Variants in MYO1H observed in about 807,000 individuals in gnomAD.
MYO1H encodes the protein myosin IH.
In MYO1H, 118 loss-of-function variants were observed where a neutral mutation model predicts 149.3. The observed-to-expected ratio is 0.79, with a 90% confidence interval of 0.68 to 0.92. MYO1H has a LOEUF of 0.92. Ranked by LOEUF, MYO1H falls within the 40% of genes least tolerant of loss-of-function variation. The probability of loss-of-function intolerance (pLI) is 0.00; values close to 1 mark genes in which losing one functional copy is unlikely to be tolerated. For synonymous variants in MYO1H, 447 were observed against 465.2 expected (o/e 0.96, Z 0.50); for missense variants, 1,212 against 1,280.7 (o/e 0.95, Z 0.82).
chr12:109,322,468 TTTTGTTTG>T, the MYO1H span, among the ~76,000 whole-genome samples: 7 of 152,254 alleles, frequency 4.6e-5, no homozygotes, highest in South Asian at 1.0e-3. Context: ...AGTTACTGCT[TTTTGTTTG>T]TTTGTTTGTT....
At chr12:109,333,005 T>C in the MYO1H span, among the ~76,000 whole-genome samples, 2 of 152,140 alleles carry the variant, frequency 1.3e-5, no homozygotes, top group Admixed American at 1.3e-4. Flanking sequence ...AAGGTTTTCT[T>C]TGGACTTGTT....
intron 15 of MYO1H, among the ~76,000 whole-genome samples, chr12:109,416,673 A>G (rs1259334472): frequency 6.6e-6 from 1 of 152,058 alleles, no homozygotes; most frequent in Admixed American, 6.6e-5. Flanking sequence ...ATATATACGT[A>G]GGAATGGAAT....
At position 109,440,767 on chromosome 12, in the gene MYO1H, G is replaced by A. The variant is rs200078979; in HGVS notation, c.2478G>A (p.Met826Ile). The A allele has an allele frequency of 9.6e-5, 150 of 1,563,772 alleles. 1 individual carries two copies. The Middle Eastern group carries it at 1.5e-3, about 16-fold the overall frequency. Residue 826 changes from methionine (M) to isoleucine (I), a missense_variant, in exon 25 of 32, where the codon ATG (methionine) becomes ATA (isoleucine). Physicochemically the swap from Met to Ile is conservative, Grantham distance 10. Coordinates refer to ENST00000310903, the Ensembl canonical transcript of MYO1H. ...AGGCATCAGATCTGCTCAGGAAAAT[G>A]TGCGTGAGGAACCTGGTGCAGAAGT...
rs1339030443 is a variant in MYO1H, at chr12:109,352,855, T to C, written c.12+4883T>C. ...TTTTTCTTTCGAGGTAAATAGTATA[T>C]ACAATCTAAAGCACTAACCTTGGAT... is the stretch of plus-strand genomic sequence containing the variant. On this transcript the variant is annotated intron_variant, in intron 1 of 31. Coordinates refer to ENST00000310903, the Ensembl canonical transcript of MYO1H. 1.3e-5 allele frequency among the ~76,000 whole-genome samples: 2 copies of C among 152,150 alleles called. 1 individual carries two copies. The highest frequency in any genetic ancestry group is 3.8e-4 in the East Asian group (2 of 5,196).
chr12:109,393,615 CTATCCATCCATCCACA>C (rs912410077), intron 3 of MYO1H, among the ~76,000 whole-genome samples, 169 bp downstream of exon 3: 7 of 151,712 alleles, frequency 4.6e-5, no homozygotes, highest in Non-Finnish European at 7.4e-5. Flanking sequence ...ATCCACCTAT[CTATCCATCCATCCACA>C]TATCCATCCA....
At chr12:109,345,965 T>A (rs1003622013), upstream of MYO1H, among the ~76,000 whole-genome samples, 1 of 152,192 alleles carries the variant, frequency 6.6e-6, no homozygotes, top group African/African-American at 2.4e-5. Flanking sequence ...AGATCATAGA[T>A]AATGGATATA....
chr12:109,423,086 G>A (rs1418536313), intron 16 of MYO1H, among the ~76,000 whole-genome samples: 1 of 151,130 alleles, frequency 6.6e-6, no homozygotes, highest in Admixed American at 6.6e-5. Flanking sequence ...ACCCTGTCTT[G>A]AAAAAAACAG....
intron 16 of MYO1H, among the ~76,000 whole-genome samples, chr12:109,421,887 G>A (rs574080952): frequency 7.2e-4 from 109 of 152,256 alleles, no homozygotes; most frequent in South Asian, 2.9e-3. Context: ...GTGCAGTGAC[G>A]TCATCATTGC....
At chr12:109,424,854 A>G (rs1209925297) in intron 17 of MYO1H, 26 bp downstream of exon 17, 2 of 1,598,926 alleles carry the variant, frequency 1.3e-6, no homozygotes, top group East Asian at 4.5e-5. Flanking sequence ...ACCCATGCAA[A>G]ATTGGATCTC....
At chr12:109,427,387 C>A in intron 18 of MYO1H, 82 bp from the exon 19 acceptor site, 1 of 861,172 alleles carries the variant, frequency 1.2e-6, no homozygotes, top group Non-Finnish European at 2.0e-6. Flanking sequence ...CACTGAACTT[C>A]AGCTTGCAGC....
intron 27 of MYO1H, among the ~76,000 whole-genome samples, chr12:109,442,796 T>TGC (rs749860118): frequency 0.38 from 33,522 of 87,704 alleles, 4,297 homozygotes; most frequent in African/African-American, 0.49. Context: ...GTGTCTGCTC[T>TGC]TTTTTTTTTT....
At chr12:109,424,976 C>T in intron 17 of MYO1H, 148 bp downstream of exon 17, 2 of 647,404 alleles carry the variant, frequency 3.1e-6, no homozygotes, top group Non-Finnish European at 5.5e-6. Context: ...TGTAATCTCA[C>T]ACCTGTAATC....
chr12:109,429,345 C>T (rs915114412), intron 19 of MYO1H, among the ~76,000 whole-genome samples: 4 of 152,130 alleles, frequency 2.6e-5, no homozygotes, highest in South Asian at 2.1e-4. Flanking sequence ...ATAACAAAGA[C>T]GTAAAGTTGG....
intron 31 of MYO1H, chr12:109,446,435 C>A (rs1355530909): frequency 1.0e-6 from 1 of 985,292 alleles, no homozygotes; most frequent in Admixed American, 6.1e-5. Flanking sequence ...TGGAGTGTCT[C>A]ATACACATTT....
At chr12:109,446,419 T>C (rs1872480320) in intron 31 of MYO1H, 2 of 985,318 alleles carry the variant, frequency 2.0e-6, no homozygotes, top group South Asian at 9.4e-5. Flanking sequence ...AAATGGTCTG[T>C]GAACATGGAG....
rs1207685204 is a variant in MYO1H at position 109,430,576 on chromosome 12, A to T, written c.1950-2321A>T. Among the ~76,000 whole-genome samples, 4 of 152,334 alleles carry T rather than the reference A, an allele frequency of 2.6e-5. No homozygotes were observed. The East Asian group carries it at 7.7e-4, about 29-fold the overall frequency. ...CACCTTTGTGTAGGTGGCTGAACAG[A>T]GGAAGAACATGGGACACTCGATACC... On this transcript the variant is annotated intron_variant, in intron 19 of 31. Transcript: ENST00000310903.
chr12:109,355,341 T>C (rs1279068158), intron 1 of MYO1H, among the ~76,000 whole-genome samples: 5 of 152,186 alleles, frequency 3.3e-5, no homozygotes, highest in Non-Finnish European at 7.3e-5. Context: ...GACTGGGTCA[T>C]ATTCACACCC....
At chr12:109,444,328 A>G (rs566910564) in intron 29 of MYO1H, 45 bp downstream of exon 29, 148 of 1,588,236 alleles carry the variant, frequency 9.3e-5, no homozygotes, top group Admixed American at 4.8e-4. Context: ...GAAACAATAC[A>G]CTGCCAAAAT....
intron 14 of MYO1H, among the ~76,000 whole-genome samples, chr12:109,412,457 C>CACAAGTAT (rs1261274260): frequency 6.6e-6 from 1 of 152,204 alleles, no homozygotes; most frequent in African/African-American, 2.4e-5. Context: ...CGTGCCCAGA[C>CACAAGTAT]ACAAGTATGA....
Sources: allele counts gnomAD v4.1 joint callset (sites outside exome capture counted in the v4.1 genomes callset), GRCh38; gene constraint gnomAD v4.1.1; transcripts MANE v1.5; gene names NCBI Gene and HGNC (gene_info 2026-07-23, HGNC 2026-07-21).